SUGP2: variants seen among roughly 807,000 people sequenced by gnomAD.
SUGP2 encodes SURP and G-patch domain containing 2, also known as SURP and G-patch domain-containing protein 2.
A neutral mutation model predicts 90.5 loss-of-function variants in SUGP2; 24 were observed. That is an observed-to-expected ratio of 0.27 (90% CI 0.19 to 0.37). SUGP2 has a LOEUF of 0.37. Ranked by LOEUF, SUGP2 falls within the 10% of genes least tolerant of loss-of-function variation. The probability of loss-of-function intolerance (pLI) is 1.00; values close to 1 mark genes in which losing one functional copy is unlikely to be tolerated. For missense variants in SUGP2, 1,233 were observed against 1,363.3 expected (o/e 0.90, Z 1.51); for synonymous variants, 473 against 513.4 (o/e 0.92, Z 1.06).
intron 6 of SUGP2, among the ~76,000 whole-genome samples, chr19:19,008,008 A>T (rs2058154308): frequency 6.6e-6 from 1 of 151,844 alleles, no homozygotes; most frequent in South Asian, 2.1e-4. Context: ...ATTAGAACAG[A>T]TCTTTCTCCC....
At chr19:19,013,799 T>C (rs964589650) in intron 4 of SUGP2, among the ~76,000 whole-genome samples, 2 of 152,152 alleles carry the variant, frequency 1.3e-5, no homozygotes, top group African/African-American at 4.8e-5. Context: ...GCTGGCCCAC[T>C]CCCAGGGGAC....
At chr19:19,007,572 C>G (rs865810373) in intron 6 of SUGP2, 1 of 151,738 alleles carries the variant, frequency 6.6e-6, no homozygotes, top group Non-Finnish European at 1.5e-5. Flanking sequence ...CCTGCCTCAG[C>G]CTCCCCCGAG....
At chr19:19,027,646 T>C (rs1410618803) in intron 2 of SUGP2, among the ~76,000 whole-genome samples, 1 of 152,144 alleles carries the variant, frequency 6.6e-6, no homozygotes, top group African/African-American at 2.4e-5. Context: ...CTTTTTTTTT[T>C]TGAGACAGAG....
intron 8 of SUGP2, among the ~76,000 whole-genome samples, chr19:18,998,691 C>T (rs1599399598): frequency 6.6e-6 from 1 of 151,964 alleles, no homozygotes; most frequent in East Asian, 1.9e-4. Context: ...GCGGCCCCTC[C>T]ATAATGGCAT....
At chr19:19,001,444 A>G (rs75870473) in intron 8 of SUGP2, among the ~76,000 whole-genome samples, 169 bp downstream of exon 8, 1 of 152,214 alleles carries the variant, frequency 6.6e-6, no homozygotes, top group Non-Finnish European at 1.5e-5. Context: ...CAAAGGCAAA[A>G]CAGTTTTCAA....
chr19:19,017,636 G>A (rs890860834), intron 4 of SUGP2, among the ~76,000 whole-genome samples: 1 of 152,134 alleles, frequency 6.6e-6, no homozygotes, highest in Non-Finnish European at 1.5e-5. Context: ...GCTGGGTGTG[G>A]TGGCGGGCAC....
chr19:18,997,912 AG>A (rs775975839), intron 8 of SUGP2, among the ~76,000 whole-genome samples: 3 of 152,184 alleles, frequency 2.0e-5, no homozygotes, highest in South Asian at 2.1e-4. Flanking sequence ...GTTTTCTTCA[AG>A]TTCCCTATCT....
intron 4 of SUGP2, among the ~76,000 whole-genome samples, chr19:19,014,239 C>T (rs144040521): frequency 2.8e-4 from 42 of 152,268 alleles, no homozygotes; most frequent in East Asian, 1.2e-3. Flanking sequence ...GCGGCCCACT[C>T]GCCTCGGCTT....
Position 19,025,902 on chromosome 19 carries a change from C to G in SUGP2, c.446G>C (p.Gly149Ala). The change falls in exon 3 of 11, where the codon GGC becomes GCC. Residue 149 changes from glycine to alanine, a missense_variant. Around this residue, in one of 8 missense-constraint regions of SUGP2, gnomAD observed 418 missense variants for 399.9 expected, o/e 1.05. Coordinates refer to ENST00000452918, the MANE Select transcript of SUGP2 (RefSeq NM_001017392.5). ...AGAGGACTCTTGAGAAACTGGATGGCCAAAGTCTTGTTCCCAAGAACCACG... is the reference window on the plus strand; with the variant it reads ...AGAGGACTCTTGAGAAACTGGATGGGCAAAGTCTTGTTCCCAAGAACCACG... ...ALRGSWEQDF[G>A]HPVSQESSWS... 6.2e-7 allele frequency: 1 copy of G among 1,614,162 alleles called. No individual in the cohort carries two copies. The highest frequency in any genetic ancestry group is 8.5e-7 in the Non-Finnish European group (1 of 1,180,028).
chr19:19,026,905 AG>A (rs1157249960), intron 2 of SUGP2, among the ~76,000 whole-genome samples: 2 of 152,184 alleles, frequency 1.3e-5, no homozygotes, highest in Non-Finnish European at 2.9e-5. Flanking sequence ...GCAGGAGGGA[AG>A]GCAGAAGCTT....
chr19:19,025,687 G>C lies in SUGP2; in HGVS notation c.661C>G (p.Gln221Glu), dbSNP rs774721628. Residue 221 changes from glutamine to glutamate, a missense_variant, in exon 3 of 11, where the codon CAG becomes GAG. Gln to Glu is a conservative substitution (Grantham distance 29). Coordinates refer to ENST00000452918, the MANE Select transcript of SUGP2 (RefSeq NM_001017392.5). Reference protein sequence around the residue: ...ARGRALNIVDQEGSLLGKGET... With the variant: ...ARGRALNIVDEEGSLLGKGET... ...CCCTTTCCTAGGAGGGAACCTTCCT[G>C]GTCAACGATGTTTAGAGCTCGACCT... 1 of 1,614,026 alleles carries C rather than the reference G, an allele frequency of 6.2e-7. No individual in the cohort carries two copies. The highest frequency in any genetic ancestry group is 1.1e-5 in the South Asian group (1 of 91,076).
chr19:19,003,875 C>T (rs1008274536), intron 7 of SUGP2, among the ~76,000 whole-genome samples: 8 of 152,186 alleles, frequency 5.3e-5, no homozygotes, highest in South Asian at 4.1e-4. Flanking sequence ...AGGAAAACAG[C>T]TGAGATGACC....
At position 19,020,127 on chromosome 19, in the gene SUGP2, A is replaced by T. The variant is rs183012651; in HGVS notation, c.1730-898T>A. 4.8e-4 allele frequency among the ~76,000 whole-genome samples: 73 copies of T among 151,772 alleles called. 1 individual carries two copies. In the South Asian group the frequency reaches 8.9e-3, roughly 19 times the overall value. On this transcript the variant is annotated intron_variant, in intron 3 of 10. Coordinates refer to ENST00000452918, the MANE Select transcript of SUGP2 (RefSeq NM_001017392.5). ...ACATGTTCACAGAAAATATCTGCTG[A>T]ATGTATAAGAAACAAATTTTGGCCA...
At chr19:19,013,636 C>T (rs1426270815) in intron 4 of SUGP2, among the ~76,000 whole-genome samples, 5 of 152,174 alleles carry the variant, frequency 3.3e-5, no homozygotes, top group African/African-American at 9.7e-5. Flanking sequence ...TCTTTTATTT[C>T]ACCCCAAACA....
At chr19:19,016,458 C>T (rs2058505009) in intron 4 of SUGP2, among the ~76,000 whole-genome samples, 1 of 152,202 alleles carries the variant, frequency 6.6e-6, no homozygotes, top group Non-Finnish European at 1.5e-5. Context: ...CCCCAGGCCT[C>T]TCAGGGCCTC....
rs745835384 is a variant in SUGP2 at position 18,995,120 on chromosome 19, C to A, written c.3128+24G>T. ...GAAGGACTGAGGCCCCACCCACTCC[C>A]ACCCCAGGCTGCCTGCTGCGTACAC... On this transcript the variant is annotated intron_variant, in intron 9 of 10. Coordinates refer to ENST00000452918, the MANE Select transcript of SUGP2 (RefSeq NM_001017392.5). 1.0e-4 allele frequency: 168 copies of A among 1,606,244 alleles called. 1 individual carries two copies. In the South Asian group the frequency reaches 1.7e-3, roughly 16 times the overall value.
chr19:19,018,894 G>A (rs1284293698), intron 4 of SUGP2, among the ~76,000 whole-genome samples: 3 of 152,176 alleles, frequency 2.0e-5, no homozygotes, highest in East Asian at 3.8e-4. Context: ...TCACAGGTGA[G>A]AGAAGGCCAC....
At position 19,019,356 on chromosome 19, in the gene SUGP2, C is replaced by G. The variant is rs2058621767; in HGVS notation, c.1730-127G>C. Reference sequence around the variant, plus strand: ...GGCATCAACAACCGAAATCCTCATTCACAAGACACCAGCATTGAAAAGAGG... The same window carrying G: ...GGCATCAACAACCGAAATCCTCATTGACAAGACACCAGCATTGAAAAGAGG... On this transcript the variant is annotated intron_variant, in intron 3 of 10. Transcript: ENST00000452918. The G allele has an allele frequency of 4.9e-6, 5 of 1,015,292 alleles. No individual in the cohort carries two copies. The East Asian group carries it at 1.4e-4, about 28-fold the overall frequency. The allele number at this position is 1,015,292 out of a possible 1,614,324, so 62.9% of individuals were successfully genotyped here. A position where few individuals can be genotyped will look rare whatever the true frequency, so the allele number is the denominator to read the frequency against.
At position 19,005,995 on chromosome 19, in the gene SUGP2, G is replaced by A. The variant is rs183672254; in HGVS notation, c.2451-1349C>T. Reference sequence around the variant, plus strand: ...GCCTCCCAGCACATTTTGGGAGGCTGAGGCAGGCAGATCACCTGAGGTCAG... The same window carrying A: ...GCCTCCCAGCACATTTTGGGAGGCTAAGGCAGGCAGATCACCTGAGGTCAG... On this transcript the variant is annotated intron_variant, in intron 6 of 10. Coordinates refer to ENST00000452918, the MANE Select transcript of SUGP2 (RefSeq NM_001017392.5). Among the ~76,000 whole-genome samples the A allele has an allele frequency of 9.2e-5, 14 of 152,196 alleles. No homozygotes were observed. In the East Asian group the frequency reaches 2.5e-3, roughly 27 times the overall value.
Sources: allele counts gnomAD v4.1 joint callset (sites outside exome capture counted in the v4.1 genomes callset), GRCh38; gene constraint gnomAD v4.1.1; regional missense constraint gnomAD v4.1.1; transcripts MANE v1.5; gene names NCBI Gene and HGNC (gene_info 2026-07-23, HGNC 2026-07-21).